Variants in MAP4 observed in about 807,000 individuals in gnomAD.
MAP4 encodes microtubule-associated protein 4.
A neutral mutation model predicts 170.2 loss-of-function variants in MAP4; 76 were observed. That is an observed-to-expected ratio of 0.45 (90% CI 0.37 to 0.54). The LOEUF is 0.54. MAP4 is among the 20% of genes least tolerant of loss of function. The pLI is 0.00. For missense variants in MAP4, 2,506 were observed against 2,748.0 expected (o/e 0.91, Z 1.97); for synonymous variants, 909 against 994.5 (o/e 0.91, Z 1.62).
At chr3:48,070,821 G>A (rs899003680) in intron 1 of MAP4, among the ~76,000 whole-genome samples, 1 of 149,768 alleles carries the variant, frequency 6.7e-6, no homozygotes, top group African/African-American at 2.5e-5. Context: ...GGGCAACATA[G>A]TGAGATCTCG....
intron 15 of MAP4, among the ~76,000 whole-genome samples, chr3:47,870,481 G>A (rs1436396262): frequency 6.6e-6 from 1 of 152,168 alleles, no homozygotes; most frequent in Non-Finnish European, 1.5e-5. Context: ...CTCATGTCAA[G>A]TGTCTCTCTC....
chr3:48,061,307 C>A (rs1210873336), intron 1 of MAP4, among the ~76,000 whole-genome samples: 1 of 152,010 alleles, frequency 6.6e-6, no homozygotes, highest in Non-Finnish European at 1.5e-5. Context: ...ATTCTCCTCC[C>A]TCAGCCTGCC....
At chr3:48,031,294 G>T (rs1399887749) in intron 1 of MAP4, among the ~76,000 whole-genome samples, 1 of 152,204 alleles carries the variant, frequency 6.6e-6, no homozygotes, top group Non-Finnish European at 1.5e-5. Flanking sequence ...GCTCACACCT[G>T]TAATCCCAGC....
At chr3:47,987,329 A>C in intron 2 of MAP4, 5 of 1,301,726 alleles carry the variant, frequency 3.8e-6, no homozygotes, top group South Asian at 1.3e-5. Context: ...CTTAATTATG[A>C]TCTTACAAGT....
intron 3 of MAP4, among the ~76,000 whole-genome samples, chr3:47,972,834 C>A (rs553179373): frequency 6.6e-6 from 1 of 150,832 alleles, no homozygotes; most frequent in South Asian, 2.1e-4. Flanking sequence ...TGCAATGAGC[C>A]GAGATCATGC....
At position 48,078,193 on chromosome 3, in the gene MAP4, C is replaced by A. The variant is rs1394242178; in HGVS notation, c.-20+10580G>T. On this transcript the variant is annotated intron_variant, in intron 1 of 18. Transcript: ENST00000360240. ...ACAGGGTCTTGCTCTGTGGCCCAGG[C>A]TAGAGTGCACGATCATGGCTCACTG... Among the ~76,000 whole-genome samples, 9 of 152,088 alleles carry A rather than the reference C, an allele frequency of 5.9e-5. No individual in the cohort carries two copies. In the East Asian group the frequency reaches 1.5e-3, roughly 26 times the overall value.
Position 47,877,528 on chromosome 3 carries a change from G to T in MAP4, c.5435-5C>A. On this transcript the variant is annotated splice_polypyrimidine_tract_variant and splice_region_variant and intron_variant, in intron 10 of 20. Coordinates refer to ENST00000683076, the MANE Select transcript of MAP4 (RefSeq NM_001385682.1). ...CTTCTTCTGGCCTGGCTATTCCTAA[G>T]GGGAGAGGGTGAGTGGGAATTATGC... 6.3e-7 allele frequency: 1 copy of T among 1,596,598 alleles called. No individual in the cohort carries two copies. The highest frequency in any genetic ancestry group is 8.6e-7 in the Non-Finnish European group (1 of 1,167,010).
At chr3:48,002,991 A>AAATAAATAAATAAATTAATT (rs1393173347) in intron 1 of MAP4, among the ~76,000 whole-genome samples, 1 of 150,546 alleles carries the variant, frequency 6.6e-6, no homozygotes, top group African/African-American at 2.5e-5. Context: ...ATAAATAAAT[A>AAATAAATAAATAAATTAATT]AATTTAATTC....
intron 9 of MAP4, among the ~76,000 whole-genome samples, chr3:47,907,525 T>C (rs2100033788): frequency 6.6e-6 from 1 of 152,198 alleles, no homozygotes; most frequent in Admixed American, 6.5e-5. Flanking sequence ...ATCCTTCCCA[T>C]ACCCACTCTG....
intron 1 of MAP4, among the ~76,000 whole-genome samples, chr3:48,088,610 C>A (rs557848414): frequency 7.4e-4 from 112 of 152,272 alleles, no homozygotes; most frequent in Non-Finnish European, 1.5e-3. Flanking sequence ...GCCTGGCCCC[C>A]TCCCTCGGAC....
At chr3:47,877,036 C>T (rs1278853302) in intron 11 of MAP4, 1 of 168,218 alleles carries the variant, frequency 5.9e-6, no homozygotes, top group East Asian at 1.7e-4. Context: ...CATGCATCAC[C>T]ACGCCCAGTT....
At chr3:48,013,214 TG>T (rs2100106175) in intron 1 of MAP4, among the ~76,000 whole-genome samples, 1 of 152,106 alleles carries the variant, frequency 6.6e-6, no homozygotes, top group Non-Finnish European at 1.5e-5. Context: ...ACATATTTTA[TG>T]GATAAAAGGA....
chr3:47,925,783 T>C (rs1304492341), intron 4 of MAP4, among the ~76,000 whole-genome samples: 1 of 152,142 alleles, frequency 6.6e-6, no homozygotes, highest in African/African-American at 2.4e-5. Context: ...GTAATAAAAG[T>C]GTTCTAAAAT....
chr3:48,079,257 A>G (rs1440497916), intron 1 of MAP4, among the ~76,000 whole-genome samples: 1 of 152,160 alleles, frequency 6.6e-6, no homozygotes, highest in East Asian at 1.9e-4. Flanking sequence ...ATTTTGGAAT[A>G]TCTGTATACT....
At position 47,855,424 on chromosome 3, in the gene MAP4, G is replaced by A; in HGVS notation, c.6584-64C>T. ...GGAATATCCCTGCAGGCAAAACCAG[G>A]ACTAGCGATATGCCCAATCTAGAAA... On this transcript the variant is annotated intron_variant, in intron 18 of 20. Transcript: ENST00000683076. This position sits in a 1 kb window ranked among gnomAD's most constrained non-coding sequence, Gnocchi z 5.1. 1.0e-6 allele frequency: 1 copy of A among 969,118 alleles called. No homozygotes were observed. The highest frequency in any genetic ancestry group is 1.7e-6 in the Non-Finnish European group (1 of 592,730). The allele number at this position is 969,118 out of a possible 1,614,324, so 60.0% of individuals were successfully genotyped here.
intron 1 of MAP4, among the ~76,000 whole-genome samples, chr3:48,015,764 T>A (rs572541778): frequency 1.3e-5 from 2 of 152,204 alleles, no homozygotes; most frequent in African/African-American, 4.8e-5. Flanking sequence ...TAAAAATAAA[T>A]CTTTAGCAAG....
Position 48,038,830 on chromosome 3 carries a change from G to A in MAP4, c.-19-39951C>T, listed in dbSNP as rs115930226. Among the ~76,000 whole-genome samples, 545 of 152,174 alleles carry A rather than the reference G, an allele frequency of 3.6e-3. 5 individuals carry two copies. Among genetic ancestry groups the A allele is most frequent in the Non-Finnish European group, 5.8e-3 (393 of 67,978 alleles). ...TAAGAGTTGGCTGTAGGCCAAGGGC[G>A]ATGGCTCATGCCTGTAATCCCAGCA... On this transcript the variant is annotated intron_variant, in intron 1 of 18. Coordinates refer to the MAP4 transcript ENST00000360240.
chr3:47,978,314 TTTATTA>T (rs374785098), intron 2 of MAP4, among the ~76,000 whole-genome samples: 26 of 152,054 alleles, frequency 1.7e-4, no homozygotes, highest in African/African-American at 5.5e-4. Flanking sequence ...GGGCATTTGT[TTTATTA>T]TTATTATTAT....
At chr3:47,972,223 G>A (rs2100079193) in intron 3 of MAP4, among the ~76,000 whole-genome samples, 1 of 152,136 alleles carries the variant, frequency 6.6e-6, no homozygotes, top group Admixed American at 6.5e-5. Context: ...AACCCAGAAT[G>A]GCTAGGGAAC....
Sources: gnomAD v4.1 joint callset for allele counts (sites outside exome capture counted in the v4.1 genomes callset) on GRCh38, gnomAD v4.1.1 for gene constraint, Gnocchi (gnomAD v3.1) non-coding constraint, MANE v1.5 for transcripts, NCBI Gene and HGNC (gene_info 2026-07-23, HGNC 2026-07-21) for gene names.